Variants in RSU1 observed in about 807,000 individuals in gnomAD.
RSU1 encodes rsu-1.
RSU1 carries 26 observed loss-of-function variants against 31.1 expected under a neutral mutation model. The observed-to-expected ratio is 0.84, with a 90% CI of 0.61 to 1.16. The LOEUF (loss-of-function observed/expected upper bound fraction) is 1.16, where lower values mean the gene tolerates loss of function less well. Ranked by LOEUF, RSU1 falls within the 50% of genes most tolerant of loss-of-function variation. RSU1 has a pLI of 0.00. For synonymous variants in RSU1, 164 were observed against 136.3 expected (o/e 1.20, Z -1.41); for missense variants, 320 against 339.1 (o/e 0.94, Z 0.44).
chr10:16,790,437 C>A (rs369314136), intron 2 of RSU1, among the ~76,000 whole-genome samples: 1 of 152,134 alleles, frequency 6.6e-6, no homozygotes, highest in Non-Finnish European at 1.5e-5. Flanking sequence ...ATCATGGACA[C>A]TGAGAGGTGG....
intron 8 of RSU1, among the ~76,000 whole-genome samples, chr10:16,611,666 A>T (rs1233205433): frequency 1.3e-5 from 2 of 152,176 alleles, no homozygotes. Flanking sequence ...ACCTCCAGCT[A>T]ATAGTGACAG....
At chr10:16,783,034 C>G (rs1837689932) in intron 2 of RSU1, among the ~76,000 whole-genome samples, 3 of 152,040 alleles carry the variant, frequency 2.0e-5, no homozygotes, top group East Asian at 1.9e-4. Context: ...CCTCAGCCTC[C>G]CGTGTAGCTG....
chr10:16,761,393 A>C (rs1172418694), intron 4 of RSU1, among the ~76,000 whole-genome samples: 1 of 152,198 alleles, frequency 6.6e-6, no homozygotes, highest in African/African-American at 2.4e-5. Flanking sequence ...AATGCCTGGT[A>C]CATGGTAAGG....
chr10:16,760,490 CAAGA>C (rs1237679674), intron 4 of RSU1, among the ~76,000 whole-genome samples: 1 of 121,990 alleles, frequency 8.2e-6, no homozygotes, highest in African/African-American at 3.1e-5. Context: ...GCCTGGGCAA[CAAGA>C]AAGAAACTCC....
intron 8 of RSU1, among the ~76,000 whole-genome samples, chr10:16,645,525 G>A (rs1834520832): frequency 6.6e-6 from 1 of 151,942 alleles, no homozygotes. Context: ...AAGTCACAAT[G>A]TGGCTGGGTG....
intron 7 of RSU1, among the ~76,000 whole-genome samples, chr10:16,719,136 T>C (rs1836204628): frequency 1.3e-5 from 2 of 152,038 alleles, no homozygotes; most frequent in Admixed American, 1.3e-4. Flanking sequence ...AGTGACAACC[T>C]ATCTCTACAA....
At chr10:16,700,213 A>C (rs1835762173) in intron 7 of RSU1, among the ~76,000 whole-genome samples, 1 of 152,192 alleles carries the variant, frequency 6.6e-6, no homozygotes, top group Admixed American at 6.5e-5. Context: ...CACGTCATCA[A>C]AGTAGCATTC....
At chr10:16,697,301 G>A (rs1416654511) in intron 7 of RSU1, among the ~76,000 whole-genome samples, 2 of 152,114 alleles carry the variant, frequency 1.3e-5, no homozygotes, top group African/African-American at 2.4e-5. Context: ...TCTAATCTCT[G>A]CCCACAGACA....
chr10:16,804,365 T>C (rs1838221984), intron 2 of RSU1, among the ~76,000 whole-genome samples: 1 of 152,174 alleles, frequency 6.6e-6, no homozygotes, highest in Non-Finnish European at 1.5e-5. Context: ...TCTTTATTGG[T>C]AGAAAACAAA....
chr10:16,651,702 G>C (rs1353090757), intron 8 of RSU1, among the ~76,000 whole-genome samples: 1 of 152,152 alleles, frequency 6.6e-6, no homozygotes, highest in African/African-American at 2.4e-5. Context: ...AAAGGTACTA[G>C]TTTAGGTCTT....
At chr10:16,604,951 G>C (rs1262168914) in intron 8 of RSU1, among the ~76,000 whole-genome samples, 2 of 152,186 alleles carry the variant, frequency 1.3e-5, no homozygotes, top group Non-Finnish European at 2.9e-5. Context: ...GCCCAGATCT[G>C]CTGGTACCTT....
intron 8 of RSU1, among the ~76,000 whole-genome samples, chr10:16,648,001 T>G (rs1175813935): frequency 6.6e-6 from 1 of 151,826 alleles, no homozygotes; most frequent in African/African-American, 2.4e-5. Context: ...CAGGCTGGAG[T>G]GTGGTGGCCT....
chr10:16,766,209 C>T (rs1482355705), intron 3 of RSU1, among the ~76,000 whole-genome samples: 2 of 152,162 alleles, frequency 1.3e-5, no homozygotes, highest in African/African-American at 2.4e-5. Flanking sequence ...GCGCGAGCTC[C>T]GGAAGTGGCC....
intron 5 of RSU1, among the ~76,000 whole-genome samples, chr10:16,754,467 T>C (rs1231179768): frequency 6.6e-6 from 1 of 151,828 alleles, no homozygotes; most frequent in Non-Finnish European, 1.5e-5. Context: ...GGTTTATTAA[T>C]AAATATTTTT....
chr10:16,634,795 T>C (rs1467152481), intron 8 of RSU1, among the ~76,000 whole-genome samples: 1 of 152,212 alleles, frequency 6.6e-6, no homozygotes, highest in African/African-American at 2.4e-5. Flanking sequence ...TTCGGTGATG[T>C]TCCTAAGATT....
intron 8 of RSU1, among the ~76,000 whole-genome samples, chr10:16,683,881 G>T (rs1009066138): frequency 2.0e-5 from 3 of 152,164 alleles, no homozygotes; most frequent in Non-Finnish European, 4.4e-5. Flanking sequence ...TTCGAAGCTG[G>T]GTCTTCTAGG....
At chr10:16,664,817 C>T (rs1489105891) in intron 8 of RSU1, among the ~76,000 whole-genome samples, 1 of 152,214 alleles carries the variant, frequency 6.6e-6, no homozygotes, top group African/African-American at 2.4e-5. Context: ...CTTCTCTTTA[C>T]CATATATTCT....
chr10:16,726,904 T>G, intron 7 of RSU1: 1 of 377,978 alleles, frequency 2.6e-6, no homozygotes, highest in Non-Finnish European at 5.3e-6. Context: ...AAATCCACCA[T>G]GCAGAAGGGC....
At chr10:16,669,384 A>G (rs1835063602) in intron 8 of RSU1, among the ~76,000 whole-genome samples, 1 of 151,518 alleles carries the variant, frequency 6.6e-6, no homozygotes, top group Non-Finnish European at 1.5e-5. Flanking sequence ...CCCCCCCCAA[A>G]GCACCATACT....
Sources: gnomAD v4.1 joint callset for allele counts (sites outside exome capture counted in the v4.1 genomes callset) on GRCh38, gnomAD v4.1.1 for gene constraint, MANE v1.5 for transcripts, NCBI Gene and HGNC (gene_info 2026-07-23, HGNC 2026-07-21) for gene names.